PGBD5: variants seen among roughly 807,000 people sequenced by gnomAD.
PGBD5 encodes piggyBac transposable element-derived protein 5.
Under a neutral mutation model 47.9 loss-of-function variants are expected in PGBD5, and 14 were observed. That is an observed-to-expected ratio of 0.29 (90% CI 0.19 to 0.46). The LOEUF (loss-of-function observed/expected upper bound fraction) is 0.46, where lower values mean the gene tolerates loss of function less well. Among genes scored for constraint, PGBD5 ranks in the 20% least tolerant of loss-of-function variants. The pLI, the probability that PGBD5 is intolerant of heterozygous loss-of-function variation, is 1.00. For synonymous variants in PGBD5, 316 were observed against 306.3 expected (o/e 1.03, Z -0.33); for missense variants, 635 against 716.0 (o/e 0.89, Z 1.29).
At chr1:230,358,026 A>G (rs1667683768) in intron 1 of PGBD5, among the ~76,000 whole-genome samples, 1 of 152,054 alleles carries the variant, frequency 6.6e-6, no homozygotes, top group Non-Finnish European at 1.5e-5. Context: ...ACATACATAC[A>G]TTTAAAAATA....
In PGBD5 at chr1:230,325,423, C is replaced by T. The variant is rs368589223; in HGVS notation, c.1274-8G>A. ...TCCTTTTGATGATGACTCCTGAAGG[C>T]GAGAGACAAGATAAGCCCCTTCCTC... On this transcript the variant is annotated splice_region_variant and splice_polypyrimidine_tract_variant and intron_variant, in intron 5 of 6. Transcript: ENST00000391860. 34 of 1,605,288 alleles carry T rather than the reference C, an allele frequency of 2.1e-5. No individual in the cohort carries two copies. Among genetic ancestry groups the T allele is most frequent in the African/African-American group, 1.7e-4 (13 of 74,656 alleles).
intron 3 of PGBD5, among the ~76,000 whole-genome samples, chr1:230,349,798 C>T (rs1243221784): frequency 2.0e-5 from 3 of 152,202 alleles, no homozygotes; most frequent in African/African-American, 7.2e-5. Flanking sequence ...GCTGAGGCTG[C>T]ACCTCCAGGA....
At chr1:230,333,132 G>T in intron 4 of PGBD5, 91 bp from the exon 5 acceptor site, 1 of 1,355,978 alleles carries the variant, frequency 7.4e-7, no homozygotes, top group Non-Finnish European at 1.0e-6. Context: ...GAAAGGACGG[G>T]ACTGCCCGGT....
chr1:230,414,463 C>T (rs1445339993), intron 1 of PGBD5, among the ~76,000 whole-genome samples: 1 of 152,220 alleles, frequency 6.6e-6, no homozygotes, highest in Non-Finnish European at 1.5e-5. Flanking sequence ...CTCTGCTACA[C>T]TTCTGGAAGA....
At chr1:230,363,990 C>A (rs1365945396) in intron 1 of PGBD5, among the ~76,000 whole-genome samples, 1 of 152,178 alleles carries the variant, frequency 6.6e-6, no homozygotes, top group East Asian at 1.9e-4. Context: ...TTTCCTTCCC[C>A]CTTGTGGCTG....
At chr1:230,332,812 C>G (rs1355095245) in intron 5 of PGBD5, 32 bp downstream of exon 5, 1 of 1,613,272 alleles carries the variant, frequency 6.2e-7, no homozygotes, top group South Asian at 1.1e-5. Flanking sequence ...TCCCCGCGCG[C>G]CCCACTGTGT....
intron 2 of PGBD5, 94 bp from the exon 3 acceptor site, chr1:230,351,186 G>A: frequency 7.3e-7 from 1 of 1,377,942 alleles, no homozygotes; most frequent in South Asian, 1.5e-5. Context: ...CTGCATTTGA[G>A]CAGCTCTGTG....
At chr1:230,376,114 T>A (rs555020427) in intron 1 of PGBD5, among the ~76,000 whole-genome samples, 2 of 151,852 alleles carry the variant, frequency 1.3e-5, no homozygotes, top group South Asian at 2.1e-4. Context: ...GTGGGCAGAG[T>A]CACAGGGTGT....
chr1:230,375,349 G>GCT (rs1667994505), intron 1 of PGBD5, among the ~76,000 whole-genome samples: 3 of 152,186 alleles, frequency 2.0e-5, no homozygotes, highest in African/African-American at 7.2e-5. Context: ...ACACAAGCAA[G>GCT]GTCCCTGATT....
intron 4 of PGBD5, among the ~76,000 whole-genome samples, chr1:230,334,639 G>A (rs1667274192): frequency 6.6e-6 from 1 of 152,164 alleles, no homozygotes; most frequent in East Asian, 1.9e-4. Context: ...TGCAATCTGT[G>A]TCCTGAGGAG....
chr1:230,383,002 G>A (rs986787766), intron 1 of PGBD5, among the ~76,000 whole-genome samples: 1 of 152,114 alleles, frequency 6.6e-6, no homozygotes, highest in Non-Finnish European at 1.5e-5. Context: ...ATGGTTCTCT[G>A]CCATCTCGCT....
At chr1:230,348,939 T>A (rs1667519858) in intron 3 of PGBD5, among the ~76,000 whole-genome samples, 1 of 152,246 alleles carries the variant, frequency 6.6e-6, no homozygotes, top group Non-Finnish European at 1.5e-5. Context: ...TGCTTTTGAC[T>A]GGGAGTTGTC....
chr1:230,380,704 T>C (rs1243821603), intron 1 of PGBD5, among the ~76,000 whole-genome samples: 1 of 152,220 alleles, frequency 6.6e-6, no homozygotes, highest in Non-Finnish European at 1.5e-5. Context: ...AGGGAAGCTA[T>C]ACAGGTCAGC....
chr1:230,376,007 G>C (rs1457145257), intron 1 of PGBD5, among the ~76,000 whole-genome samples: 1 of 151,794 alleles, frequency 6.6e-6, no homozygotes, highest in Non-Finnish European at 1.5e-5. Flanking sequence ...GCACGTGCTT[G>C]GGAAACAGCA....
intron 1 of PGBD5, among the ~76,000 whole-genome samples, chr1:230,394,077 C>T (rs898463231): frequency 3.3e-5 from 5 of 151,996 alleles, no homozygotes; most frequent in African/African-American, 1.2e-4. Flanking sequence ...CCTCAGAGAA[C>T]GCCACCCCAT....
intron 1 of PGBD5, among the ~76,000 whole-genome samples, chr1:230,402,243 T>G (rs750048897): frequency 1.1e-4 from 16 of 152,188 alleles, no homozygotes; most frequent in Non-Finnish European, 1.6e-4. Flanking sequence ...CACACACAAG[T>G]CATCACCCTA....
rs1657752503 is a variant in PGBD5, at chr1:230,425,395, T to TC, written c.331+202dup. On this transcript the variant is annotated intron_variant, in intron 1 of 6. Transcript: ENST00000391860. The surrounding 1 kb of genome is among the most constrained non-coding windows in gnomAD (Gnocchi z 4.7). ...CACTGGAAAAGTGCTGGCCACGGCC[T>TC]CCGCCTTACCCTCTCCACCCACGGG... 6.6e-6 allele frequency among the ~76,000 whole-genome samples: 1 copy of TC among 152,156 alleles called. No homozygotes were observed. The highest frequency in any genetic ancestry group is 1.5e-5 in the Non-Finnish European group (1 of 68,014).
Position 230,335,732 on chromosome 1 carries a change from C to T in PGBD5, c.1075+1376G>A, listed in dbSNP as rs373218686. On this transcript the variant is annotated intron_variant, in intron 4 of 6. Transcript: ENST00000391860. The stretch of plus-strand genomic sequence containing the variant: ...ACACAGGTACACATACAGACACACA[C>T]AGACTTACACAAAGACACACACAGA... 4.2e-5 allele frequency among the ~76,000 whole-genome samples: 3 copies of T among 71,996 alleles called. No homozygotes were observed. In the East Asian group the frequency reaches 1.2e-3, roughly 28 times the overall value. 47.2% of individuals were successfully genotyped at this position (71,996 alleles called of 152,430 possible).
chr1:230,369,118 G>C (rs1360728858), intron 1 of PGBD5, among the ~76,000 whole-genome samples: 1 of 152,246 alleles, frequency 6.6e-6, no homozygotes, highest in African/African-American at 2.4e-5. Context: ...AAGACTGCAA[G>C]GCCCCAAAGG....
Sources: allele counts gnomAD v4.1 joint callset (sites outside exome capture counted in the v4.1 genomes callset), GRCh38; gene constraint gnomAD v4.1.1; non-coding constraint Gnocchi (gnomAD v3.1); transcripts MANE v1.5; gene names NCBI Gene and HGNC (gene_info 2026-07-23, HGNC 2026-07-21).